Variants in CCAR1 observed in about 807,000 individuals in gnomAD.
CCAR1 encodes cell division cycle and apoptosis regulator 1.
CCAR1 carries 78 observed loss-of-function variants against 163.8 expected under a neutral mutation model. The observed-to-expected ratio is 0.48, with a 90% CI of 0.40 to 0.57. The LOEUF is 0.57. Among genes scored for constraint, CCAR1 ranks in the 20% least tolerant of loss-of-function variants. The probability of loss-of-function intolerance (pLI) is 0.00; values close to 1 mark genes in which losing one functional copy is unlikely to be tolerated. For missense variants in CCAR1, 1,019 were observed against 1,365.2 expected, an observed-to-expected ratio of 0.75 and a Z score of 4.00; for synonymous variants, 443 against 460.7, an observed-to-expected ratio of 0.96 and a Z score of 0.49.
Position 68,742,515 on chromosome 10 carries a change from C to T in CCAR1, c.464C>T (p.Thr155Ile). The T allele has an allele frequency of 6.2e-7, 1 of 1,614,102 alleles. No individual in the cohort carries two copies. Among genetic ancestry groups the T allele is most frequent in the Non-Finnish European group, 8.5e-7 (1 of 1,179,986 alleles). Residue 155 changes from threonine to isoleucine, a missense_variant, in exon 6 of 25, where the codon ACA (threonine) becomes ATA (isoleucine). Coordinates refer to ENST00000265872, the MANE Select transcript of CCAR1 (RefSeq NM_018237.4). ...QKQRVFTGVVTKLHDTFGFVD... is the reference protein window; with the variant it reads ...QKQRVFTGVVIKLHDTFGFVD... The stretch of plus-strand genomic sequence containing the variant: ...CAGCGTGTTTTCACAGGGGTGGTTA[C>T]AAAACTACATGATACGTTTGGATTT...
intron 2 of CCAR1, among the ~76,000 whole-genome samples, chr10:68,728,353 C>G (rs2055978769): frequency 2.0e-5 from 3 of 150,068 alleles, no homozygotes; most frequent in Non-Finnish European, 4.4e-5. Flanking sequence ...AAAAATAATC[C>G]TGGAGGTTTT....
At chr10:68,728,214 T>A (rs7899717) in intron 2 of CCAR1, among the ~76,000 whole-genome samples, 3,081 of 152,312 alleles carry the variant, frequency 0.02, 109 homozygotes, top group African/African-American at 0.07. Context: ...GTATTTAAAC[T>A]ATTAAAATAT....
chr10:68,782,140 C>T (rs755558691), intron 19 of CCAR1, among the ~76,000 whole-genome samples: 1 of 152,152 alleles, frequency 6.6e-6, no homozygotes, highest in Non-Finnish European at 1.5e-5. Flanking sequence ...CCAGTCACAA[C>T]ATTCCCTTAA....
At chr10:68,761,680 A>G (rs1392673215) in intron 16 of CCAR1, among the ~76,000 whole-genome samples, 2 of 148,368 alleles carry the variant, frequency 1.3e-5, no homozygotes, top group African/African-American at 5.0e-5. Flanking sequence ...TTGGCTCACC[A>G]CAACCTCCAC....
At position 68,755,600 on chromosome 10, in the gene CCAR1, C is replaced by T. The variant is rs1021702071; in HGVS notation, c.1625+64C>T. On this transcript the variant is annotated intron_variant, in intron 13 of 24. Coordinates refer to ENST00000265872, the MANE Select transcript of CCAR1 (RefSeq NM_018237.4). Reference sequence around the variant, plus strand: ...TGATAGTTTATGTAGTTGTTCTTATCGATCAGCCTTTTCCCCCCGGCTTAT... The same window carrying T: ...TGATAGTTTATGTAGTTGTTCTTATTGATCAGCCTTTTCCCCCCGGCTTAT... The T allele has an allele frequency of 3.3e-5, 46 of 1,386,768 alleles. No homozygotes were observed. In the South Asian group the frequency reaches 3.5e-4, roughly 11 times the overall value. 85.9% of individuals were successfully genotyped at this position (1,386,768 alleles called of 1,614,324 possible). A position where few individuals can be genotyped will look rare whatever the true frequency, so the allele number is the denominator to read the frequency against.
At chr10:68,743,724 ATTTGTTTG>A (rs202225228) in intron 6 of CCAR1, among the ~76,000 whole-genome samples, 2 of 47,098 alleles carry the variant, frequency 4.2e-5, no homozygotes, top group South Asian at 1.5e-3. Context: ...TGTATTATTT[ATTTGTTTG>A]TTTATTTATT....
intron 2 of CCAR1, among the ~76,000 whole-genome samples, chr10:68,732,637 C>T (rs1171806866): frequency 6.6e-6 from 1 of 152,180 alleles, no homozygotes; most frequent in Non-Finnish European, 1.5e-5. Context: ...GTGTGAGCCA[C>T]CATGCCTGGC....
intron 24 of CCAR1, among the ~76,000 whole-genome samples, chr10:68,790,513 C>A (rs970649705): frequency 8.5e-5 from 13 of 152,082 alleles, no homozygotes; most frequent in African/African-American, 2.7e-4. Flanking sequence ...CACTTCACTT[C>A]TCTGTGTTTT....
At chr10:68,737,676 A>G (rs1180185577) in intron 3 of CCAR1, among the ~76,000 whole-genome samples, 169 bp from the exon 4 acceptor site, 2 of 151,786 alleles carry the variant, frequency 1.3e-5, no homozygotes, top group East Asian at 3.9e-4. Flanking sequence ...ATTTATCTTT[A>G]TTATTATTAT....
At chr10:68,764,309 T>C (rs1717222959) in intron 16 of CCAR1, among the ~76,000 whole-genome samples, 1 of 151,644 alleles carries the variant, frequency 6.6e-6, no homozygotes, top group Non-Finnish European at 1.5e-5. Flanking sequence ...ACATTAACCT[T>C]CCTTGAAAAG....
intron 19 of CCAR1, among the ~76,000 whole-genome samples, chr10:68,778,531 CT>C (rs750204571): frequency 1.7e-4 from 6 of 34,404 alleles, no homozygotes; most frequent in South Asian, 8.8e-4. Context: ...TTATCCTCTC[CT>C]TTTTTTTTTT....
At chr10:68,768,297 A>T (rs1372103645) in intron 17 of CCAR1, among the ~76,000 whole-genome samples, 1 of 150,366 alleles carries the variant, frequency 6.7e-6, no homozygotes, top group Non-Finnish European at 1.5e-5. Flanking sequence ...ATGCTATATG[A>T]TGTTATCTTT....
At chr10:68,734,735 A>AT (rs569998263) in intron 2 of CCAR1, among the ~76,000 whole-genome samples, 151 of 151,884 alleles carry the variant, frequency 9.9e-4, no homozygotes, top group African/African-American at 3.4e-3. Flanking sequence ...CTTAGATCCC[A>AT]TTTTTTTCAA....
intron 8 of CCAR1, among the ~76,000 whole-genome samples, chr10:68,748,014 C>T (rs1003986225): frequency 3.4e-4 from 52 of 152,020 alleles, no homozygotes; most frequent in Non-Finnish European, 1.9e-4. Flanking sequence ...CCACCATGCC[C>T]GGCAAATTTT....
At chr10:68,757,254 G>A (rs964431968) in intron 14 of CCAR1, 40 bp from the exon 15 acceptor site, 1 of 995,540 alleles carries the variant, frequency 1.0e-6, no homozygotes, top group Admixed American at 2.0e-5. Context: ...TTATTTTAAG[G>A]TTTCATAATA....
chr10:68,757,387 A>T lies in CCAR1; in HGVS notation c.1920+10A>T. 1 of 1,383,426 alleles carries T rather than the reference A, an allele frequency of 7.2e-7. No homozygotes were observed. Among genetic ancestry groups the T allele is most frequent in the Non-Finnish European group, 1.0e-6 (1 of 979,640 alleles). 85.7% of individuals were successfully genotyped at this position (1,383,426 alleles called of 1,614,324 possible). On this transcript the variant is annotated intron_variant, in intron 15 of 24. Coordinates refer to ENST00000265872, the MANE Select transcript of CCAR1 (RefSeq NM_018237.4). ...TCCAAAGACAATGAAGGTAACTTTG[A>T]TAAGGATGGATTTTATTTATTTTTT...
chr10:68,762,483 C>T (rs1187635617), intron 16 of CCAR1, among the ~76,000 whole-genome samples: 1 of 152,142 alleles, frequency 6.6e-6, no homozygotes, highest in African/African-American at 2.4e-5. Context: ...ACTATTTATT[C>T]AAGCTGTTTT....
In CCAR1 at chr10:68,773,119, A is replaced by G; in HGVS notation, c.2650+20A>G. 2 of 1,203,348 alleles carry G rather than the reference A, an allele frequency of 1.7e-6. No individual in the cohort carries two copies. Among genetic ancestry groups the G allele is most frequent in the Middle Eastern group, 1.9e-4 (1 of 5,248 alleles). 74.5% of individuals were successfully genotyped at this position (1,203,348 alleles called of 1,614,324 possible). A position where few individuals can be genotyped will look rare whatever the true frequency, so the allele number is the denominator to read the frequency against. Reference sequence around the variant, plus strand: ...AAGATGGTATGATTGAAATTTATTTATTACTTCTTAGAGTTAAGAATACAT... The same window carrying G: ...AAGATGGTATGATTGAAATTTATTTGTTACTTCTTAGAGTTAAGAATACAT... On this transcript the variant is annotated intron_variant, in intron 19 of 24. Transcript: ENST00000265872.
intron 19 of CCAR1, among the ~76,000 whole-genome samples, chr10:68,783,982 TCTC>T (rs1336621752): frequency 3.3e-5 from 5 of 151,768 alleles, no homozygotes; most frequent in African/African-American, 7.3e-5. Flanking sequence ...ATGGTCTCGA[TCTC>T]CTGACCTCGT....
Sources: gnomAD v4.1 joint callset for allele counts (sites outside exome capture counted in the v4.1 genomes callset) on GRCh38, gnomAD v4.1.1 for gene constraint, MANE v1.5 for transcripts, NCBI Gene and HGNC (gene_info 2026-07-23, HGNC 2026-07-21) for gene names.